Variants in TPR observed in about 807,000 individuals in gnomAD.
The protein encoded by TPR is nucleoprotein TPR.
Under a neutral mutation model 316.1 loss-of-function variants are expected in TPR, and 51 were observed. The ratio of observed to expected loss-of-function variants is 0.16; its 90% CI spans 0.13 to 0.20. TPR has a LOEUF of 0.20. Among genes scored for constraint, TPR ranks in the 10% least tolerant of loss-of-function variants. TPR has a pLI of 1.00. For missense variants in TPR, 2,272 were observed against 2,754.8 expected, an observed-to-expected ratio of 0.82 and a Z score of 3.92; for synonymous variants, 981 against 914.7, an observed-to-expected ratio of 1.07 and a Z score of -1.31.
rs776528363 is a variant in TPR at position 186,333,399 on chromosome 1, A to G, written c.5183-5T>C. The G allele has an allele frequency of 5.0e-6, 8 of 1,612,512 alleles. No homozygotes were observed. The East Asian group carries it at 1.8e-4, about 36-fold the overall frequency. ...CAGGCCCTTCTGACTGCATAGCTGA[A>G]AAATAATTATAATGCTGAATATAAG... On this transcript the variant is annotated splice_region_variant and splice_polypyrimidine_tract_variant and intron_variant, in intron 36 of 50. Transcript: ENST00000367478.
intron 45 of TPR, among the ~76,000 whole-genome samples, chr1:186,321,958 T>C (rs934160437): frequency 3.9e-5 from 6 of 152,320 alleles, no homozygotes; most frequent in South Asian, 2.1e-4. Flanking sequence ...AATTATTCTA[T>C]TGTTATTCCC....
rs1452444079 is a variant in TPR at position 186,322,416 on chromosome 1, A to C, written c.6367-4T>G. The C allele has an allele frequency of 1.9e-6, 3 of 1,612,340 alleles. No homozygotes were observed. Among genetic ancestry groups the C allele is most frequent in the Non-Finnish European group, 2.5e-6 (3 of 1,179,534 alleles). ...CATCATCAAAAAAATGCTGTTGCTA[A>C]AACAAAGAAAACAGAGTTAACAAAC... is the stretch of plus-strand genomic sequence containing the variant. On this transcript the variant is annotated splice_polypyrimidine_tract_variant and splice_region_variant and intron_variant, in intron 44 of 50. Coordinates refer to ENST00000367478, the MANE Select transcript of TPR (RefSeq NM_003292.3).
intron 30 of TPR, among the ~76,000 whole-genome samples, chr1:186,339,440 G>A (rs894631546): frequency 3.3e-5 from 5 of 151,948 alleles, no homozygotes; most frequent in African/African-American, 1.2e-4. Context: ...TAATTATGAG[G>A]ATAGTCTCAT....
chr1:186,359,287 T>C (rs549774068), intron 12 of TPR, among the ~76,000 whole-genome samples: 70 of 152,232 alleles, frequency 4.6e-4, no homozygotes, highest in African/African-American at 1.4e-3. Flanking sequence ...AAAAAATCTT[T>C]ATGAATTTCA....
In TPR at chr1:186,356,453, T is replaced by C. The variant is rs973430523; in HGVS notation, c.1725-4A>G. On this transcript the variant is annotated splice_polypyrimidine_tract_variant and splice_region_variant and intron_variant, in intron 14 of 50. Transcript: ENST00000367478. ...TTTGAGCTGAAGCTCAGTGATTCTGTAGAAAAAGTCGGCCTAATTCACAGG... is the reference window on the plus strand; with the variant it reads ...TTTGAGCTGAAGCTCAGTGATTCTGCAGAAAAAGTCGGCCTAATTCACAGG... The C allele has an allele frequency of 1.9e-6, 3 of 1,603,542 alleles. No homozygotes were observed. Among genetic ancestry groups the C allele is most frequent in the Non-Finnish European group, 2.6e-6 (3 of 1,171,886 alleles).
chr1:186,312,875 T>C lies in TPR; in HGVS notation c.*1096A>G. ...ACATCAGAAAACCTGACGGCTATGA[T>C]TACTATGCCTTTTCTAAAGGTAAGG... On this transcript the variant is annotated 3_prime_UTR_variant, in exon 51 of 51. Coordinates refer to ENST00000367478, the MANE Select transcript of TPR (RefSeq NM_003292.3). The C allele has an allele frequency of 6.2e-7, 1 of 1,612,566 alleles. No individual in the cohort carries two copies. Among genetic ancestry groups the C allele is most frequent in the Non-Finnish European group, 8.5e-7 (1 of 1,178,570 alleles).
At chr1:186,338,810 G>A (rs879732637) in intron 30 of TPR, among the ~76,000 whole-genome samples, 4 of 152,144 alleles carry the variant, frequency 2.6e-5, no homozygotes, top group Non-Finnish European at 4.4e-5. Flanking sequence ...CCTGAATTAA[G>A]AGTATGGGTT....
rs189904346 is a variant in TPR at position 186,343,983 on chromosome 1, C to T, written c.3525G>A (p.Lys1175=). ...CATTCAGTGGACCTTGTACACCTTC[C>T]TTCACAGAGGCAACGACCTTGTCAC... is the stretch of plus-strand genomic sequence containing the variant. The part of the protein sequence containing the change: ...KLSDKVVASV[K]EGVQGPLNVS... The change falls in exon 26 of 51, where the codon AAG becomes AAA. Residue 1175 remains lysine, a synonymous_variant. Transcript: ENST00000367478. 2.9e-4 allele frequency: 473 copies of T among 1,614,134 alleles called. 2 individuals are homozygous for T. In the African/African-American group the frequency reaches 5.1e-3, roughly 17 times the overall value.
At chr1:186,362,615 T>C (rs976068468) in intron 6 of TPR, among the ~76,000 whole-genome samples, 1 of 152,040 alleles carries the variant, frequency 6.6e-6, no homozygotes, top group African/African-American at 2.4e-5. Flanking sequence ...AGGAAAGATA[T>C]ATCGTAAGAC....
chr1:186,349,542 C>A (rs1386615590), intron 21 of TPR, among the ~76,000 whole-genome samples: 5 of 151,578 alleles, frequency 3.3e-5, no homozygotes, highest in African/African-American at 4.8e-5. Context: ...CGCCTGTAGT[C>A]CCAGCTACTC....
intron 46 of TPR, 127 bp from the exon 47 acceptor site, chr1:186,318,955 A>G: frequency 1.2e-6 from 1 of 864,564 alleles, no homozygotes; most frequent in Non-Finnish European, 1.8e-6. Context: ...CGATTTAATT[A>G]TTCCATCAAG....
chr1:186,317,273 T>C (rs1256525081), intron 49 of TPR, among the ~76,000 whole-genome samples: 1 of 152,262 alleles, frequency 6.6e-6, no homozygotes, highest in Non-Finnish European at 1.5e-5. Context: ...ATCCACCATG[T>C]CCATATTTCT....
intron 39 of TPR, among the ~76,000 whole-genome samples, chr1:186,329,077 C>A (rs2102061512): frequency 6.6e-6 from 1 of 152,284 alleles, no homozygotes; most frequent in African/African-American, 2.4e-5. Context: ...ACGTCTGCTT[C>A]ACTGTCAGAA....
chr1:186,348,894 CATG>C (rs1450463312), intron 21 of TPR, among the ~76,000 whole-genome samples: 1 of 152,078 alleles, frequency 6.6e-6, no homozygotes, highest in Non-Finnish European at 1.5e-5. Flanking sequence ...TGTTTTATCA[CATG>C]ATATCAATAG....
rs758850217 is a variant in TPR at position 186,344,019 on chromosome 1, G to A, written c.3489C>T (p.Ile1163=). 3.1e-6 allele frequency: 5 copies of A among 1,613,924 alleles called. No individual in the cohort carries two copies. The highest frequency in any genetic ancestry group is 2.2e-5 in the East Asian group (1 of 44,864). Residue 1163 remains isoleucine (I), a synonymous_variant, in exon 26 of 51, where the codon ATC becomes ATT. Coordinates refer to ENST00000367478, the MANE Select transcript of TPR (RefSeq NM_003292.3). ...EKQNRLLHDQ[I]EKLSDKVVAS... Reference sequence around the variant, plus strand: ...CAACGACCTTGTCACTTAATTTTTCGATCTGATCATGAAGTAATCTGTTTT... The same window carrying A: ...CAACGACCTTGTCACTTAATTTTTCAATCTGATCATGAAGTAATCTGTTTT...
At chr1:186,357,029 T>G (rs1368237745) in intron 14 of TPR, among the ~76,000 whole-genome samples, 1 of 152,172 alleles carries the variant, frequency 6.6e-6, no homozygotes, top group Non-Finnish European at 1.5e-5. Flanking sequence ...CCCAAGTATC[T>G]AGCACTGTTA....
chr1:186,326,392 C>T (rs28715477), intron 40 of TPR, among the ~76,000 whole-genome samples, 157 bp from the exon 41 acceptor site: 28,429 of 152,032 alleles, frequency 0.19, 3,016 homozygotes, highest in African/African-American at 0.29. Context: ...GCACCAAATA[C>T]CACAACTGTG....
intron 1 of TPR, among the ~76,000 whole-genome samples, 190 bp from the exon 2 acceptor site, chr1:186,373,653 C>T (rs79727549): frequency 0.045 from 6,890 of 152,100 alleles, 512 homozygotes; most frequent in African/African-American, 0.16. Flanking sequence ...CATTTCCAAA[C>T]GACTTACATG....
intron 3 of TPR, among the ~76,000 whole-genome samples, chr1:186,368,521 G>C (rs1370599177): frequency 2.0e-5 from 3 of 152,166 alleles, no homozygotes; most frequent in African/African-American, 7.2e-5. Flanking sequence ...GAGGTGGGAT[G>C]ATCATTTGAG....
Sources: gnomAD v4.1 joint callset for allele counts (sites outside exome capture counted in the v4.1 genomes callset) on GRCh38, gnomAD v4.1.1 for gene constraint, MANE v1.5 for transcripts, NCBI Gene and HGNC (gene_info 2026-07-23, HGNC 2026-07-21) for gene names.